DCHS2: variants seen among roughly 807,000 people sequenced by gnomAD.
The protein encoded by DCHS2 is dachsous cadherin-related 2.
Under a neutral mutation model 182.4 loss-of-function variants are expected in DCHS2, and 142 were observed. The observed-to-expected ratio is 0.78, with a 90% CI of 0.68 to 0.89. DCHS2 has a LOEUF of 0.89. Among genes scored for constraint, DCHS2 ranks in the 40% least tolerant of loss-of-function variants. The pLI, the probability that DCHS2 is intolerant of heterozygous loss-of-function variation, is 0.00. For synonymous variants in DCHS2, 1,740 were observed against 1,663.3 expected (o/e 1.05, Z -1.12); for missense variants, 4,319 against 4,198.6 (o/e 1.03, Z -0.79).
chr4:154,334,846 A>G (rs1728712953), intron 4 of DCHS2, 22 bp downstream of exon 4: 1 of 1,531,598 alleles, frequency 6.5e-7, no homozygotes, highest in Non-Finnish European at 9.0e-7. Flanking sequence ...AATTCCATGC[A>G]GCATAAGAAA....
intron 1 of DCHS2, among the ~76,000 whole-genome samples, chr4:154,476,794 G>A (rs577711934): frequency 6.6e-6 from 1 of 152,306 alleles, no homozygotes; most frequent in East Asian, 1.9e-4. Context: ...ATCAGGAAAT[G>A]TCAGGTTCTA....
intron 13 of DCHS2, among the ~76,000 whole-genome samples, chr4:154,279,632 C>T (rs1298599632): frequency 6.6e-6 from 1 of 151,790 alleles, no homozygotes; most frequent in Non-Finnish European, 1.5e-5. Context: ...TCTTGAACTA[C>T]TGATACATCA....
intron 19 of DCHS2, among the ~76,000 whole-genome samples, chr4:154,238,509 T>A (rs1404303600): frequency 6.6e-6 from 1 of 152,162 alleles, no homozygotes; most frequent in African/African-American, 2.4e-5. Flanking sequence ...TAAATTAAAT[T>A]AAATGTCCAC....
At chr4:154,294,331 G>T (rs958525505) in intron 13 of DCHS2, among the ~76,000 whole-genome samples, 1 of 152,162 alleles carries the variant, frequency 6.6e-6, no homozygotes, top group Admixed American at 6.5e-5. Context: ...ACTGTGAGGG[G>T]TATCCTCAGG....
intron 3 of DCHS2, among the ~76,000 whole-genome samples, chr4:154,360,918 T>C (rs1730088580): frequency 6.6e-6 from 1 of 152,168 alleles, no homozygotes; most frequent in African/African-American, 2.4e-5. Flanking sequence ...CATAAGCTTG[T>C]TGCTGTAAGT....
chr4:154,258,805 G>A (rs1732827019), intron 15 of DCHS2, among the ~76,000 whole-genome samples: 1 of 152,206 alleles, frequency 6.6e-6, no homozygotes, highest in African/African-American at 2.4e-5. Flanking sequence ...TAATAAGCAT[G>A]AAGTGCTGAC....
intron 1 of DCHS2, among the ~76,000 whole-genome samples, chr4:154,402,439 G>C (rs1174244025): frequency 6.6e-6 from 1 of 152,202 alleles, no homozygotes; most frequent in Non-Finnish European, 1.5e-5. Context: ...TTGGGACAGT[G>C]ATAAAGGTAT....
At chr4:154,455,377 G>A (rs1373785507) in intron 1 of DCHS2, among the ~76,000 whole-genome samples, 1 of 152,200 alleles carries the variant, frequency 6.6e-6, no homozygotes, top group Non-Finnish European at 1.5e-5. Context: ...AGGAAGAGAT[G>A]GGAATGGAAA....
At chr4:154,467,421 T>C (rs373658025) in intron 1 of DCHS2, among the ~76,000 whole-genome samples, 4 of 152,186 alleles carry the variant, frequency 2.6e-5, no homozygotes, top group African/African-American at 9.6e-5. Flanking sequence ...TTTTACACTA[T>C]ATTTTAAGTG....
At chr4:154,283,686 T>A (rs992269868) in intron 13 of DCHS2, among the ~76,000 whole-genome samples, 2 of 152,186 alleles carry the variant, frequency 1.3e-5, no homozygotes, top group Non-Finnish European at 2.9e-5. Context: ...TCCAACTATA[T>A]CTCTAATTTT....
chr4:154,442,541 C>G (rs4696575), intron 1 of DCHS2, among the ~76,000 whole-genome samples: 1 of 50,298 alleles, frequency 2.0e-5, no homozygotes, highest in Non-Finnish European at 3.9e-5. Context: ...CCCCCCCCCC[C>G]CACACACACA....
chr4:154,350,835 T>C (rs1345156027), intron 3 of DCHS2, among the ~76,000 whole-genome samples: 1 of 152,224 alleles, frequency 6.6e-6, no homozygotes, highest in African/African-American at 2.4e-5. Flanking sequence ...AATATTATTT[T>C]TGACCTTTAT....
chr4:154,252,026 T>G (rs1732388538), intron 16 of DCHS2, among the ~76,000 whole-genome samples: 1 of 152,234 alleles, frequency 6.6e-6, no homozygotes, highest in Non-Finnish European at 1.5e-5. Flanking sequence ...ACATTCATAT[T>G]TAGTAGAATC....
chr4:154,259,171 T>C (rs142002024), intron 15 of DCHS2, among the ~76,000 whole-genome samples: 29 of 152,262 alleles, frequency 1.9e-4, no homozygotes, highest in African/African-American at 6.7e-4. Context: ...GTAAATATCC[T>C]TATTCTATGA....
chr4:154,476,268 G>C (rs1459807770), intron 1 of DCHS2, among the ~76,000 whole-genome samples: 1 of 152,174 alleles, frequency 6.6e-6, no homozygotes, highest in East Asian at 1.9e-4. Context: ...TTATTAACTT[G>C]AGACATTTAA....
intron 1 of DCHS2, among the ~76,000 whole-genome samples, chr4:154,471,399 G>A (rs939816739): frequency 5.3e-5 from 8 of 152,138 alleles, no homozygotes; most frequent in African/African-American, 1.9e-4. Flanking sequence ...CACAGCATGA[G>A]GGCAACTGGT....
intron 13 of DCHS2, among the ~76,000 whole-genome samples, chr4:154,276,475 G>T (rs1004425338): frequency 2.6e-5 from 4 of 152,156 alleles, no homozygotes; most frequent in African/African-American, 9.7e-5. Context: ...AAGTAATTAT[G>T]AAAACATTGT....
intron 1 of DCHS2, among the ~76,000 whole-genome samples, chr4:154,448,857 G>A (rs1734412453): frequency 6.6e-6 from 1 of 152,076 alleles, no homozygotes; most frequent in Admixed American, 6.6e-5. Context: ...GGACATGCCT[G>A]TCCTCTCCAT....
intron 14 of DCHS2, among the ~76,000 whole-genome samples, chr4:154,260,141 C>T (rs1732916195): frequency 6.6e-6 from 1 of 152,164 alleles, no homozygotes; most frequent in African/African-American, 2.4e-5. Context: ...CTTAAAATGA[C>T]TCAAAGCATC....
Sources: allele counts gnomAD v4.1 joint callset (sites outside exome capture counted in the v4.1 genomes callset), GRCh38; gene constraint gnomAD v4.1.1; transcripts MANE v1.5; gene names NCBI Gene and HGNC (gene_info 2026-07-23, HGNC 2026-07-21).